TENM3: variants seen among roughly 807,000 people sequenced by gnomAD.
TENM3 encodes the protein teneurin transmembrane protein 3.
A neutral mutation model predicts 255.1 loss-of-function variants in TENM3; 63 were observed. The ratio of observed to expected loss-of-function variants is 0.25; its 90% CI spans 0.20 to 0.30. TENM3 has a LOEUF of 0.30. Among genes scored for constraint, TENM3 ranks in the 10% least tolerant of loss-of-function variants. The pLI is 1.00. For synonymous variants in TENM3, 1,306 were observed against 1,322.3 expected, an observed-to-expected ratio of 0.99 and a Z score of 0.27; for missense variants, 2,929 against 3,461.1, an observed-to-expected ratio of 0.85 and a Z score of 3.86.
chr4:182,709,350 C>T (rs569594283), intron 12 of TENM3, among the ~76,000 whole-genome samples: 1 of 152,190 alleles, frequency 6.6e-6, no homozygotes, highest in Non-Finnish European at 1.5e-5. Context: ...AGAGTTTTAT[C>T]GTATAAAACA....
chr4:182,138,426 G>C, the TENM3 span, among the ~76,000 whole-genome samples: 2 of 152,136 alleles, frequency 1.3e-5, no homozygotes. Context: ...GGCCCATATG[G>C]TTATCACTTT....
chr4:182,620,190 G>A (rs1581122759), intron 4 of TENM3, among the ~76,000 whole-genome samples: 3 of 152,164 alleles, frequency 2.0e-5, no homozygotes, highest in Admixed American at 6.5e-5. Flanking sequence ...TAGAGAATTA[G>A]GTGATGATAA....
intron 2 of TENM3, among the ~76,000 whole-genome samples, chr4:182,335,393 G>A (rs1270726073): frequency 7.0e-6 from 1 of 143,642 alleles, no homozygotes; most frequent in Admixed American, 6.9e-5. Flanking sequence ...TGCTCGGGAG[G>A]CTGAGGCAGG....
At chr4:181,576,980 A>C in the TENM3 span, among the ~76,000 whole-genome samples, 67 of 130,558 alleles carry the variant, frequency 5.1e-4, no homozygotes, top group Non-Finnish European at 7.1e-4. Flanking sequence ...CACCCGGCTA[A>C]TATTATATAT....
the TENM3 span, among the ~76,000 whole-genome samples, chr4:182,041,410 ACTACTGGAAAAAAAGCAAAGACT>A: frequency 2.0e-5 from 3 of 152,162 alleles, no homozygotes; most frequent in Non-Finnish European, 4.4e-5. Context: ...TTCATTTTAA[ACTACTGGAAAAAAAGCAAAGACT>A]CTATGTGAAC....
intron 3 of TENM3, among the ~76,000 whole-genome samples, chr4:182,446,384 C>A (rs1772914715): frequency 6.6e-6 from 1 of 152,194 alleles, no homozygotes; most frequent in Non-Finnish European, 1.5e-5. Flanking sequence ...TAAATGCTAT[C>A]AATCAGTGAC....
At chr4:182,403,616 G>A (rs975300392) in intron 3 of TENM3, among the ~76,000 whole-genome samples, 1 of 152,206 alleles carries the variant, frequency 6.6e-6, no homozygotes, top group Non-Finnish European at 1.5e-5. Flanking sequence ...TTTTCTAGAA[G>A]TAGTGATGTG....
chr4:181,955,715 AC>A, the TENM3 span, among the ~76,000 whole-genome samples: 1 of 152,180 alleles, frequency 6.6e-6, no homozygotes, highest in Admixed American at 6.5e-5. Context: ...ATAGGGAGCC[AC>A]TTAACGAAGG....
the TENM3 span, among the ~76,000 whole-genome samples, chr4:181,795,824 G>A: frequency 6.6e-6 from 1 of 152,164 alleles, no homozygotes; most frequent in Non-Finnish European, 1.5e-5. Flanking sequence ...TTACATGATG[G>A]GAATCCATGG....
chr4:182,242,579 G>A (rs1301530935), upstream of TENM3, among the ~76,000 whole-genome samples: 1 of 151,956 alleles, frequency 6.6e-6, no homozygotes, highest in Non-Finnish European at 1.5e-5. Context: ...TGGGCAACAT[G>A]GTGAAAACCC....
At chr4:182,652,434 C>T (rs1276867213) in intron 5 of TENM3, among the ~76,000 whole-genome samples, 1 of 152,206 alleles carries the variant, frequency 6.6e-6, no homozygotes, top group Non-Finnish European at 1.5e-5. Flanking sequence ...AACTGTCCAG[C>T]TTTGTGCCAG....
chr4:181,903,112 A>G, the TENM3 span, among the ~76,000 whole-genome samples: 21 of 152,310 alleles, frequency 1.4e-4, no homozygotes, highest in East Asian at 3.9e-3. Context: ...CTCAGCAAAT[A>G]GTCACTGGAT....
chr4:181,728,419 T>C, the TENM3 span, among the ~76,000 whole-genome samples: 1 of 152,220 alleles, frequency 6.6e-6, no homozygotes. Flanking sequence ...TATTTCTTGA[T>C]TATATGCTAA....
Position 182,628,876 on chromosome 4 carries a change from G to C in TENM3, c.975G>C (p.Leu325=). The C allele has an allele frequency of 6.3e-7, 1 of 1,592,554 alleles. No individual in the cohort carries two copies. Among genetic ancestry groups the C allele is most frequent in the Non-Finnish European group, 8.6e-7 (1 of 1,167,002 alleles). Residue 325 remains leucine (L), a synonymous_variant, in exon 5 of 28, where the codon CTG becomes CTC. Coordinates refer to ENST00000511685, the MANE Select transcript of TENM3 (RefSeq NM_001080477.4). ...VGVSVLLAIL[L]SYFIAMHLFG... is the part of the protein sequence containing the mutation. ...TCTCGGTGCTCCTGGCAATACTCCT[G>C]TCTTATTTTATAGGTAAGAACAAGT...
the TENM3 span, among the ~76,000 whole-genome samples, chr4:181,957,766 T>C: frequency 6.6e-6 from 1 of 152,106 alleles, no homozygotes; most frequent in Non-Finnish European, 1.5e-5. Context: ...CTGGGTCCAG[T>C]GGTGTACTGT....
chr4:181,700,546 GC>G, the TENM3 span, among the ~76,000 whole-genome samples: 1 of 152,132 alleles, frequency 6.6e-6, no homozygotes, highest in African/African-American at 2.4e-5. Flanking sequence ...CTACGTTCTT[GC>G]AACTGAGAAC....
At chr4:182,570,715 T>G (rs1744269782) in intron 3 of TENM3, among the ~76,000 whole-genome samples, 1 of 152,030 alleles carries the variant, frequency 6.6e-6, no homozygotes, top group Admixed American at 6.6e-5. Context: ...GCGCCTGTAG[T>G]CCAGCTACTT....
chr4:181,865,607 G>A, the TENM3 span, among the ~76,000 whole-genome samples: 58,083 of 152,156 alleles, frequency 0.38, 12,866 homozygotes, highest in Non-Finnish European at 0.49. Context: ...AAGCACTTTC[G>A]TCGTTGACAA....
At chr4:182,172,802 A>G (rs1384580845) in intron 1 of TENM3, among the ~76,000 whole-genome samples, 1 of 152,232 alleles carries the variant, frequency 6.6e-6, no homozygotes, top group Non-Finnish European at 1.5e-5. Context: ...AACATTTACC[A>G]GGGTGGTAAA....
Sources: gnomAD v4.1 joint callset for allele counts (sites outside exome capture counted in the v4.1 genomes callset) on GRCh38, gnomAD v4.1.1 for gene constraint, MANE v1.5 for transcripts, NCBI Gene and HGNC (gene_info 2026-07-23, HGNC 2026-07-21) for gene names.